The following RANBP2 variants were observed in gnomAD, a reference collection of about 807,000 sequenced individuals.
The protein encoded by RANBP2 is RAN binding protein 2, also known as E3 SUMO-protein ligase RanBP2.
In RANBP2, 57 loss-of-function variants were observed where a neutral mutation model predicts 303.6. That is an observed-to-expected ratio of 0.19 (90% confidence interval 0.15 to 0.23). The LOEUF (loss-of-function observed/expected upper bound fraction) is 0.23. RANBP2 is among the 10% of genes least tolerant of loss of function. The probability of loss-of-function intolerance (pLI) is 1.00; values close to 1 mark genes in which losing one functional copy is unlikely to be tolerated. For missense variants in RANBP2, 3,138 were observed against 3,780.8 expected (o/e 0.83, Z 4.46); for synonymous variants, 1,167 against 1,301.5 (o/e 0.90, Z 2.23).
the RANBP2 span, chr2:108,815,941 G>C: frequency 6.2e-7 from 1 of 1,602,954 alleles, no homozygotes. Flanking sequence ...TGACATATAG[G>C]TACCACTTAA....
At position 108,763,652 on chromosome 2, in the gene RANBP2, A is replaced by T; in HGVS notation, c.3113A>T (p.Lys1038Ile). The part of the protein sequence containing the change: ...PTPFKFNSNF[K>I]SNDGDFTFSS... ...CCTTTTAAATTTAACTCAAATTTCA[A>T]ATCAAATGATGGTGACTTCACGTTT... Residue 1038 changes from lysine to isoleucine, a missense_variant, in exon 20 of 29, where the codon AAA (lysine) becomes ATA (isoleucine). Coordinates refer to ENST00000283195, the MANE Select transcript of RANBP2 (RefSeq NM_006267.5). 1.2e-6 allele frequency: 2 copies of T among 1,614,164 alleles called. No homozygotes were observed. Among genetic ancestry groups the T allele is most frequent in the Non-Finnish European group, 1.7e-6 (2 of 1,180,026 alleles).
At chr2:109,552,857 G>A in the RANBP2 span, 8 of 425,092 alleles carry the variant, frequency 1.9e-5, no homozygotes, top group East Asian at 1.3e-4. Flanking sequence ...GAATTTCAAC[G>A]ATTAGTGACT....
chr2:109,081,098 G>T, the RANBP2 span, among the ~76,000 whole-genome samples: 1 of 152,224 alleles, frequency 6.6e-6, no homozygotes, highest in Non-Finnish European at 1.5e-5. Flanking sequence ...ACTGGACTTC[G>T]AAGACTAAAC....
the RANBP2 span, among the ~76,000 whole-genome samples, chr2:109,365,275 C>T: frequency 1.3e-5 from 2 of 152,172 alleles, no homozygotes; most frequent in African/African-American, 2.4e-5. Flanking sequence ...AAGGTGTGGG[C>T]CCCCCAGTGA....
chr2:109,053,877 G>A, the RANBP2 span, among the ~76,000 whole-genome samples: 1 of 151,542 alleles, frequency 6.6e-6, no homozygotes, highest in African/African-American at 2.4e-5. Flanking sequence ...CCATCTGCCT[G>A]GCACCGGCTC....
the RANBP2 span, chr2:109,552,731 G>A: frequency 5.5e-4 from 110 of 199,848 alleles, no homozygotes; most frequent in Middle Eastern, 4.4e-3. Flanking sequence ...CCACCACTGA[G>A]ACTGGTTGAA....
the RANBP2 span, among the ~76,000 whole-genome samples, chr2:109,626,372 G>A: frequency 1.3e-5 from 2 of 152,274 alleles, no homozygotes; most frequent in African/African-American, 4.8e-5. Context: ...GGGAGGATGA[G>A]GCAGGAGAAT....
the RANBP2 span, among the ~76,000 whole-genome samples, chr2:109,534,503 G>A: frequency 1.3e-5 from 2 of 152,188 alleles, no homozygotes; most frequent in Admixed American, 6.5e-5. Context: ...GGAACGGCTG[G>A]ACACCGTGGC....
chr2:109,614,599 A>C, the RANBP2 span: 1 of 1,443,378 alleles, frequency 6.9e-7, no homozygotes, highest in Non-Finnish European at 9.1e-7. Context: ...CTGGTGCAGC[A>C]CTTCAGGGGC....
intron 23 of RANBP2, 73 bp downstream of exon 23, chr2:108,773,119 T>C (rs1292507302): frequency 7.0e-7 from 1 of 1,435,890 alleles, no homozygotes; most frequent in Middle Eastern, 2.1e-4. Flanking sequence ...TAGAATGTTC[T>C]TATTTATTTA....
At chr2:109,679,756 A>G in the RANBP2 span, among the ~76,000 whole-genome samples, 2 of 152,222 alleles carry the variant, frequency 1.3e-5, no homozygotes, top group Admixed American at 6.5e-5. Context: ...GACCTACTCA[A>G]ACAGAATGCA....
chr2:109,174,942 A>G, the RANBP2 span, among the ~76,000 whole-genome samples: 1 of 152,182 alleles, frequency 6.6e-6, no homozygotes, highest in Non-Finnish European at 1.5e-5. Context: ...GAGTCCTTGC[A>G]TTTGCCTTAA....
the RANBP2 span, among the ~76,000 whole-genome samples, chr2:108,962,964 G>C: frequency 4.6e-5 from 7 of 152,324 alleles, no homozygotes; most frequent in South Asian, 2.1e-4. Context: ...GCCAAGGACA[G>C]GAGGGCTCAC....
chr2:109,624,338 A>G, the RANBP2 span, among the ~76,000 whole-genome samples: 1 of 152,202 alleles, frequency 6.6e-6, no homozygotes, highest in African/African-American at 2.4e-5. Flanking sequence ...ATTATATTTT[A>G]AGAAATTCAC....
chr2:108,803,535 C>G, the RANBP2 span, among the ~76,000 whole-genome samples: 1 of 152,128 alleles, frequency 6.6e-6, no homozygotes, highest in Non-Finnish European at 1.5e-5. Flanking sequence ...CTCACTGCAC[C>G]CTCAAGTCAT....
At chr2:109,699,226 C>T in the RANBP2 span, among the ~76,000 whole-genome samples, 2 of 152,216 alleles carry the variant, frequency 1.3e-5, no homozygotes, top group South Asian at 2.1e-4. Context: ...ATCAAGGGCA[C>T]GCCTCTGCAG....
the RANBP2 span, among the ~76,000 whole-genome samples, chr2:109,630,594 G>A: frequency 5.9e-5 from 9 of 152,230 alleles, no homozygotes; most frequent in Middle Eastern, 3.4e-3. Context: ...TGTGTAGCGC[G>A]GCATGCCTCC....
the RANBP2 span, among the ~76,000 whole-genome samples, chr2:109,320,368 G>T: frequency 6.6e-6 from 1 of 152,162 alleles, no homozygotes; most frequent in Non-Finnish European, 1.5e-5. Flanking sequence ...CACCTGAGCA[G>T]CAGGTACAAC....
the RANBP2 span, among the ~76,000 whole-genome samples, chr2:109,320,435 C>T: frequency 5.3e-5 from 8 of 152,280 alleles, no homozygotes; most frequent in East Asian, 5.8e-4. Context: ...CCACCGCAGG[C>T]GCCCATCCTC....
Sources: gnomAD v4.1 joint callset for allele counts (sites outside exome capture counted in the v4.1 genomes callset) on GRCh38, gnomAD v4.1.1 for gene constraint, MANE v1.5 for transcripts, NCBI Gene and HGNC (gene_info 2026-07-23, HGNC 2026-07-21) for gene names.